The following PCDH15 variants were observed in gnomAD, a reference collection of about 807,000 sequenced individuals.
PCDH15 encodes the protein protocadherin related 15, also known as protocadherin-15.
PCDH15 carries 129 observed loss-of-function variants against 178.5 expected under a neutral mutation model. The ratio of observed to expected loss-of-function variants is 0.72; its 90% confidence interval spans 0.63 to 0.84. PCDH15 has a LOEUF of 0.84. Among genes scored for constraint, PCDH15 ranks in the 40% least tolerant of loss-of-function variants. The pLI is 0.00. For synonymous variants in PCDH15, 800 were observed against 732.0 expected (o/e 1.09, Z -1.50); for missense variants, 2,230 against 2,099.9 (o/e 1.06, Z -1.21).
At chr10:54,820,050 T>A (rs764234784) in intron 3 of PCDH15, among the ~76,000 whole-genome samples, 1 of 152,070 alleles carries the variant, frequency 6.6e-6, no homozygotes, top group African/African-American at 2.4e-5. Flanking sequence ...GAAATCATTA[T>A]CAAAGTGTAT....
rs35906926 is a variant in PCDH15 at position 54,853,396 on chromosome 10, T to TAC, written c.-29+44052_-29+44053dup. 1.3e-4 allele frequency among the ~76,000 whole-genome samples: 10 copies of TAC among 74,770 alleles called. No individual in the cohort carries two copies. The South Asian group carries it at 4.4e-3, about 33-fold the overall frequency. The allele number at this position is 74,770 out of a possible 152,430, so 49.1% of individuals were successfully genotyped here. ...ATATATACACATACATACATATATA[T>TAC]ACACACACATATATATACACATACA... On this transcript the variant is annotated intron_variant, in intron 3 of 5. Coordinates refer to the PCDH15 transcript ENST00000458638.
chr10:55,176,024 C>A (rs961133577), intron 1 of PCDH15, among the ~76,000 whole-genome samples: 11 of 152,004 alleles, frequency 7.2e-5, no homozygotes, highest in African/African-American at 2.7e-4. Context: ...CCCAAATAGT[C>A]AAGCAGGACT....
intron 2 of PCDH15, among the ~76,000 whole-genome samples, chr10:55,376,799 G>A (rs912704994): frequency 6.6e-6 from 1 of 151,900 alleles, no homozygotes; most frequent in Non-Finnish European, 1.5e-5. Context: ...TGTGAAAATG[G>A]TTTAACTATT....
chr10:54,101,997 T>C (rs888978425), intron 15 of PCDH15, among the ~76,000 whole-genome samples: 26 of 151,918 alleles, frequency 1.7e-4, no homozygotes, highest in Non-Finnish European at 4.4e-5. Context: ...ATAATCATAA[T>C]AGTAATATAA....
In PCDH15 at chr10:54,526,315, C is replaced by A. The variant is rs192210957; in HGVS notation, c.157+1497G>T. Among the ~76,000 whole-genome samples, 42 of 152,256 alleles carry A rather than the reference C, an allele frequency of 2.8e-4. 1 individual carries two copies. Among genetic ancestry groups the A allele is most frequent in the Middle Eastern group, 3.4e-3 (1 of 294 alleles). ...AACTAAATGTTTTATTTCAGCCCAG[C>A]TTACATTTTCAAATGAATTGGTTAA... On this transcript the variant is annotated intron_variant, in intron 3 of 37. Coordinates refer to ENST00000644397, the MANE Select transcript of PCDH15 (RefSeq NM_001384140.1).
intron 21 of PCDH15, among the ~76,000 whole-genome samples, chr10:53,977,966 T>G (rs1421380021): frequency 1.3e-5 from 2 of 152,226 alleles, no homozygotes; most frequent in Admixed American, 1.3e-4. Context: ...GCCATGGCCT[T>G]GGACAGCACT....
At position 55,003,964 on chromosome 10, in the gene PCDH15, G is replaced by A. The variant is rs569027675; in HGVS notation, c.-79-106464C>T. Among the ~76,000 whole-genome samples the A allele has an allele frequency of 3.0e-4, 46 of 152,282 alleles. 1 individual carries two copies. Among genetic ancestry groups the A allele is most frequent in the South Asian group, 1.9e-3 (9 of 4,826 alleles). On this transcript the variant is annotated intron_variant, in intron 2 of 5. Transcript: ENST00000458638. ...TGCAGATAGATTCCTGGCTGGGCTC[G>A]GGAGGCCTTTGGAGGCCAAGTCTGA...
intron 1 of PCDH15, among the ~76,000 whole-genome samples, chr10:55,268,018 T>C (rs1162411079): frequency 1.3e-5 from 2 of 152,224 alleles, no homozygotes. Context: ...AACTATGTGC[T>C]AGCTTGCGTA....
chr10:54,159,548 T>C (rs1365027481), intron 13 of PCDH15, among the ~76,000 whole-genome samples: 1 of 152,188 alleles, frequency 6.6e-6, no homozygotes, highest in Non-Finnish European at 1.5e-5. Context: ...TGAAATTATG[T>C]CTTTCAACCG....
At chr10:54,357,072 C>T (rs902985227) in intron 5 of PCDH15, among the ~76,000 whole-genome samples, 1 of 152,204 alleles carries the variant, frequency 6.6e-6, no homozygotes, top group African/African-American at 2.4e-5. Context: ...TGGGCAAAAA[C>T]TGGAAGCATT....
chr10:55,036,207 G>A (rs1840730523), intron 2 of PCDH15, among the ~76,000 whole-genome samples: 1 of 152,130 alleles, frequency 6.6e-6, no homozygotes, highest in Non-Finnish European at 1.5e-5. Flanking sequence ...GAAGCAAGAA[G>A]GCTTTTGCTA....
chr10:54,266,845 C>G (rs1305166381), intron 8 of PCDH15, among the ~76,000 whole-genome samples: 1 of 151,858 alleles, frequency 6.6e-6, no homozygotes, highest in Non-Finnish European at 1.5e-5. Flanking sequence ...TGAATTCTAC[C>G]AGACATACAA....
chr10:55,230,502 T>G (rs1841183027), intron 1 of PCDH15, among the ~76,000 whole-genome samples: 1 of 152,098 alleles, frequency 6.6e-6, no homozygotes, highest in South Asian at 2.1e-4. Flanking sequence ...CATTAACATT[T>G]ATTGTGCATG....
chr10:54,285,454 A>G, intron 8 of PCDH15, among the ~76,000 whole-genome samples: 1 of 152,182 alleles, frequency 6.6e-6, no homozygotes, highest in Non-Finnish European at 1.5e-5. Context: ...ACATCAAAAT[A>G]GCCAACAGAT....
chr10:55,098,894 A>AGGAGAGAGAGAGAGAG (rs1216610604), intron 2 of PCDH15, among the ~76,000 whole-genome samples: 1 of 46,234 alleles, frequency 2.2e-5, no homozygotes, highest in African/African-American at 1.2e-4. Flanking sequence ...TAAAACTTCA[A>AGGAGAGAGAGAGAGAG]TGAGAGAGAG....
intron 2 of PCDH15, among the ~76,000 whole-genome samples, chr10:55,159,167 C>T (rs1338847476): frequency 6.6e-6 from 1 of 151,726 alleles, no homozygotes; most frequent in Non-Finnish European, 1.5e-5. Flanking sequence ...AAAAGTTTTA[C>T]AACTCCTTCA....
At chr10:55,396,078 A>T (rs1837922296) in intron 2 of PCDH15, among the ~76,000 whole-genome samples, 1 of 152,216 alleles carries the variant, frequency 6.6e-6, no homozygotes, top group Non-Finnish European at 1.5e-5. Context: ...AAAATAGAAT[A>T]AAATTCTAAG....
At chr10:54,543,377 G>T (rs1392554952) in intron 2 of PCDH15, among the ~76,000 whole-genome samples, 2 of 152,036 alleles carry the variant, frequency 1.3e-5, no homozygotes, top group African/African-American at 4.8e-5. Context: ...CATGCCTACT[G>T]GGCCTTCATC....
chr10:54,170,256 C>T (rs1389311677), intron 13 of PCDH15, among the ~76,000 whole-genome samples: 3 of 74,698 alleles, frequency 4.0e-5, no homozygotes, highest in Non-Finnish European at 9.0e-5. Context: ...CAAACCACAG[C>T]AACTTCTACA....
Sources: gnomAD v4.1 joint callset for allele counts (sites outside exome capture counted in the v4.1 genomes callset) on GRCh38, gnomAD v4.1.1 for gene constraint, MANE v1.5 for transcripts, NCBI Gene and HGNC (gene_info 2026-07-23, HGNC 2026-07-21) for gene names.